The following KDM1A variants were observed in gnomAD, a reference collection of about 807,000 sequenced individuals.
The protein encoded by KDM1A is lysine-specific histone demethylase 1A.
Under a neutral mutation model 109.4 loss-of-function variants are expected in KDM1A, and 49 were observed. The observed-to-expected ratio is 0.45, with a 90% CI of 0.36 to 0.57. The LOEUF is 0.57. Ranked by LOEUF, KDM1A falls within the 20% of genes least tolerant of loss-of-function variation. The probability of loss-of-function intolerance (pLI) is 0.00; values close to 1 mark genes in which losing one functional copy is unlikely to be tolerated. For missense variants in KDM1A, 668 were observed against 1,116.6 expected, an observed-to-expected ratio of 0.60 and a Z score of 5.73; for synonymous variants, 380 against 415.4, an observed-to-expected ratio of 0.91 and a Z score of 1.04.
At chr1:23,066,479 C>T (rs1466012453) in intron 10 of KDM1A, among the ~76,000 whole-genome samples, 1 of 152,210 alleles carries the variant, frequency 6.6e-6, no homozygotes, top group Admixed American at 6.5e-5. Context: ...TTGTGATTGT[C>T]ATCCTAGTTG....
intron 4 of KDM1A, among the ~76,000 whole-genome samples, chr1:23,050,732 C>T (rs1265109824): frequency 2.0e-5 from 3 of 152,012 alleles, no homozygotes; most frequent in African/African-American, 7.2e-5. Context: ...TGAGATCCTT[C>T]TTGGATACAT....
In KDM1A at chr1:23,082,443, T is replaced by C; in HGVS notation, c.2445+77T>C. 6 of 1,440,260 alleles carry C rather than the reference T, an allele frequency of 4.2e-6. No homozygotes were observed. The South Asian group carries it at 8.6e-5, about 21-fold the overall frequency. 89.2% of individuals were successfully genotyped at this position (1,440,260 alleles called of 1,614,324 possible). ...ATGATGTCCCTGATTTTTTTTTTTT[T>C]TTTCAGATTTTAGTCATTCCATCTT... is the stretch of plus-strand genomic sequence containing the variant. On this transcript the variant is annotated intron_variant, in intron 20 of 20. Coordinates refer to ENST00000400181, the MANE Select transcript of KDM1A (RefSeq NM_001009999.3).
intron 4 of KDM1A, among the ~76,000 whole-genome samples, chr1:23,050,883 G>A (rs1406125988): frequency 3.3e-5 from 5 of 152,094 alleles, no homozygotes; most frequent in South Asian, 2.1e-4. Flanking sequence ...TTAAGGGTTC[G>A]AGACCACCCT....
intron 2 of KDM1A, among the ~76,000 whole-genome samples, chr1:23,032,379 A>G (rs1160361849): frequency 1.3e-5 from 2 of 148,568 alleles, no homozygotes; most frequent in Non-Finnish European, 3.0e-5. Context: ...TTTTAATTTC[A>G]TAAACGTCAG....
chr1:23,026,757 G>A (rs944759768), intron 1 of KDM1A, among the ~76,000 whole-genome samples: 1 of 152,152 alleles, frequency 6.6e-6, no homozygotes, highest in African/African-American at 2.4e-5. Context: ...TAAGGGTGGG[G>A]AGGAGAAGGA....
intron 3 of KDM1A, 70 bp from the exon 4 acceptor site, chr1:23,050,317 T>C: frequency 6.8e-7 from 1 of 1,474,062 alleles, no homozygotes; most frequent in Non-Finnish European, 9.0e-7. Context: ...GCAAAGGAAT[T>C]TAAGCGTCAT....
intron 1 of KDM1A, among the ~76,000 whole-genome samples, chr1:23,021,487 C>G (rs1190435599): frequency 6.6e-6 from 1 of 151,960 alleles, no homozygotes; most frequent in East Asian, 1.9e-4. Context: ...CATGATGAAA[C>G]CCCCGTCTCT....
chr1:23,071,462 C>T (rs1569797231), intron 13 of KDM1A, 103 bp downstream of exon 13: 2 of 1,117,330 alleles, frequency 1.8e-6, no homozygotes, highest in East Asian at 2.5e-5. Flanking sequence ...ATCACAAGTG[C>T]CTTCAGTGCA....
intron 18 of KDM1A, among the ~76,000 whole-genome samples, chr1:23,080,551 A>G (rs1212309284): frequency 2.6e-5 from 4 of 152,132 alleles, no homozygotes; most frequent in African/African-American, 7.2e-5. Context: ...ATCTTGGCCC[A>G]TGCTAAGGTT....
Position 23,031,678 on chromosome 1 carries a change from G to A in KDM1A, c.517+1044G>A, listed in dbSNP as rs965710520. On this transcript the variant is annotated intron_variant, in intron 2 of 20. Transcript: ENST00000400181. ...GCATTACCAGTCAAGTGTTAACTTA[G>A]GTTTGGAGCTTATCAAAGTCTGGCT... 2.6e-5 allele frequency among the ~76,000 whole-genome samples: 4 copies of A among 151,876 alleles called. No individual in the cohort carries two copies. The East Asian group carries it at 7.7e-4, about 29-fold the overall frequency.
chr1:23,068,061 C>A (rs375770955), intron 10 of KDM1A, among the ~76,000 whole-genome samples: 2 of 152,194 alleles, frequency 1.3e-5, no homozygotes, highest in African/African-American at 2.4e-5. Context: ...CCTCTTCCCA[C>A]CTGAGATTCA....
chr1:23,039,844 T>C (rs1642255044), intron 2 of KDM1A, among the ~76,000 whole-genome samples: 1 of 152,252 alleles, frequency 6.6e-6, no homozygotes, highest in Non-Finnish European at 1.5e-5. Context: ...TCATCTTTTC[T>C]CAACTAGATT....
rs1301285141 is a variant in KDM1A at position 23,071,292 on chromosome 1, C to T, written c.1481C>T (p.Pro494Leu). ...QQYKEASEVKPPRDITAEFLV... is the reference protein window; with the variant it reads ...QQYKEASEVKLPRDITAEFLV... ...TACAAAGAAGCATCTGAAGTAAAGCCACCCAGAGATATTACTGCCGAGTTC... is the reference window on the plus strand; with the variant it reads ...TACAAAGAAGCATCTGAAGTAAAGCTACCCAGAGATATTACTGCCGAGTTC... Residue 494 changes from proline (P) to leucine (L), a missense_variant, in exon 13 of 21, where the codon CCA (proline) becomes CTA (leucine). Pro to Leu is a moderately conservative substitution (Grantham distance 98). Transcript: ENST00000400181. 1 of 1,612,488 alleles carries T rather than the reference C, an allele frequency of 6.2e-7. No homozygotes were observed. The highest frequency in any genetic ancestry group is 1.3e-5 in the African/African-American group (1 of 74,820).
At chr1:23,038,873 T>C (rs1353367850) in intron 2 of KDM1A, among the ~76,000 whole-genome samples, 1 of 152,222 alleles carries the variant, frequency 6.6e-6, no homozygotes, top group Non-Finnish European at 1.5e-5. Flanking sequence ...ACCCAGGGAT[T>C]GCTATTCTAG....
chr1:23,066,072 G>A lies in KDM1A; in HGVS notation c.1179+1G>A, dbSNP rs1244491407. On this transcript the variant is annotated splice_donor_variant, in intron 10 of 20. Coordinates refer to ENST00000400181, the MANE Select transcript of KDM1A (RefSeq NM_001009999.3). LOFTEE classifies it high-confidence loss of function. ...CACTGGTTAAAAGGACACTGTCAAG[G>A]TATTTTTTTCATAATTTTTCAAATC... 1 of 1,588,600 alleles carries A rather than the reference G, an allele frequency of 6.3e-7. No homozygotes were observed. The highest frequency in any genetic ancestry group is 8.6e-7 in the Non-Finnish European group (1 of 1,158,218).
chr1:23,074,098 T>C (rs905403099), intron 15 of KDM1A, among the ~76,000 whole-genome samples: 6 of 152,340 alleles, frequency 3.9e-5, no homozygotes, highest in Admixed American at 2.0e-4. Context: ...AAAATTCCAT[T>C]TTCTCCAAAT....
chr1:23,039,679 C>CT (rs1569676758), intron 2 of KDM1A, among the ~76,000 whole-genome samples: 1 of 152,202 alleles, frequency 6.6e-6, no homozygotes, highest in African/African-American at 2.4e-5. Flanking sequence ...GTGCTTTTCT[C>CT]TTTATCTTTG....
chr1:23,071,575 A>C (rs1643321289), intron 13 of KDM1A, among the ~76,000 whole-genome samples: 1 of 152,222 alleles, frequency 6.6e-6, no homozygotes, highest in African/African-American at 2.4e-5. Flanking sequence ...TAATAATCTC[A>C]TCATTTTATC....
chr1:23,039,057 TA>T (rs1642231825), intron 2 of KDM1A, among the ~76,000 whole-genome samples: 1 of 152,228 alleles, frequency 6.6e-6, no homozygotes, highest in African/African-American at 2.4e-5. Context: ...ATCATGCATT[TA>T]TGACTGCTTC....
Sources: allele counts gnomAD v4.1 joint callset (sites outside exome capture counted in the v4.1 genomes callset), GRCh38; gene constraint gnomAD v4.1.1; transcripts MANE v1.5; gene names NCBI Gene and HGNC (gene_info 2026-07-23, HGNC 2026-07-21).